The following ADAM32 variants were observed in gnomAD, a reference collection of about 807,000 sequenced individuals.
ADAM32 encodes the protein disintegrin and metalloproteinase domain-containing protein 32.
In ADAM32, 89 loss-of-function variants were observed where a neutral mutation model predicts 114.9. That is an observed-to-expected ratio of 0.77 (90% CI 0.65 to 0.92). The LOEUF (loss-of-function observed/expected upper bound fraction) is 0.92. Among genes scored for constraint, ADAM32 ranks in the 40% least tolerant of loss-of-function variants. ADAM32 has a pLI of 0.00. For synonymous variants in ADAM32, 285 were observed against 307.5 expected, an observed-to-expected ratio of 0.93 and a Z score of 0.77; for missense variants, 870 against 932.8, an observed-to-expected ratio of 0.93 and a Z score of 0.88.
At chr8:39,284,493 G>A (rs2129451927) in intron 24 of ADAM32, among the ~76,000 whole-genome samples, 2 of 151,826 alleles carry the variant, frequency 1.3e-5, no homozygotes, top group Non-Finnish European at 2.9e-5. Flanking sequence ...AACATGTAAA[G>A]ACATTAACTT....
At chr8:39,183,466 A>G (rs924951172) in intron 10 of ADAM32, among the ~76,000 whole-genome samples, 2 of 149,780 alleles carry the variant, frequency 1.3e-5, no homozygotes, top group Non-Finnish European at 2.9e-5. Context: ...TATTCCCAAT[A>G]TAGTATATTC....
At chr8:39,141,458 A>G (rs959486330) in intron 3 of ADAM32, among the ~76,000 whole-genome samples, 2 of 152,198 alleles carry the variant, frequency 1.3e-5, no homozygotes, top group African/African-American at 4.8e-5. Flanking sequence ...CCCAGTAGTC[A>G]TTCAGGAGCA....
At chr8:39,264,047 C>T (rs78711566) in intron 19 of ADAM32, among the ~76,000 whole-genome samples, 4,112 of 152,196 alleles carry the variant, frequency 0.027, 80 homozygotes, top group Non-Finnish European at 0.042. Flanking sequence ...TCTTATTTCC[C>T]TTTGTAATTC....
At chr8:39,229,778 A>T (rs1809617353) in intron 14 of ADAM32, among the ~76,000 whole-genome samples, 1 of 152,170 alleles carries the variant, frequency 6.6e-6, no homozygotes, top group South Asian at 2.1e-4. Context: ...CACTCACAGC[A>T]CCAGACAGTC....
At chr8:39,256,845 C>A (rs1564699435) in intron 18 of ADAM32, among the ~76,000 whole-genome samples, 2 of 151,942 alleles carry the variant, frequency 1.3e-5, no homozygotes, top group Non-Finnish European at 2.9e-5. Context: ...GATAATGCAC[C>A]TTGTAAGAGT....
Position 39,188,197 on chromosome 8 carries a change from A to G in ADAM32, c.1052+1152A>G, listed in dbSNP as rs531128015. On this transcript the variant is annotated intron_variant, in intron 11 of 24. Coordinates refer to ENST00000379907, the MANE Select transcript of ADAM32 (RefSeq NM_145004.7). ...CCCACAAAAATAGCTCAAACTCAAC[A>G]TATTTTATATGTGTATACACATGCA... Among the ~76,000 whole-genome samples the G allele has an allele frequency of 5.3e-4, 81 of 152,348 alleles. No homozygotes were observed. In the Middle Eastern group the frequency reaches 0.014, roughly 26 times the overall value.
intron 19 of ADAM32, among the ~76,000 whole-genome samples, chr8:39,266,475 A>G (rs929805916): frequency 6.6e-6 from 1 of 152,154 alleles, no homozygotes; most frequent in Non-Finnish European, 1.5e-5. Flanking sequence ...CAGTTGCTTT[A>G]TGAAATTCCT....
chr8:39,183,276 C>G (rs1055000016), intron 10 of ADAM32, among the ~76,000 whole-genome samples: 2 of 152,154 alleles, frequency 1.3e-5, no homozygotes, highest in South Asian at 2.1e-4. Context: ...CCAACTGACC[C>G]AGATGGCTTA....
chr8:39,272,516 A>G (rs1812798522), intron 20 of ADAM32, among the ~76,000 whole-genome samples: 1 of 152,182 alleles, frequency 6.6e-6, no homozygotes, highest in Non-Finnish European at 1.5e-5. Context: ...ATCTTATGGT[A>G]TGGAATACTG....
At chr8:39,185,483 A>T (rs1806176975) in intron 10 of ADAM32, among the ~76,000 whole-genome samples, 2 of 152,184 alleles carry the variant, frequency 1.3e-5, no homozygotes, top group Non-Finnish European at 2.9e-5. Context: ...GATCAAGGGT[A>T]GTTTCCCAAC....
chr8:39,241,113 G>A lies in ADAM32; in HGVS notation c.1819-4970G>A, dbSNP rs181721044. 2.0e-5 allele frequency among the ~76,000 whole-genome samples: 3 copies of A among 152,316 alleles called. No individual in the cohort carries two copies. In the East Asian group the frequency reaches 5.8e-4, roughly 29 times the overall value. ...TCCCATGCAAGTCCAAAATCCAGCA[G>A]GGCAGTGAAATCTTAAAGCTCCAAA... On this transcript the variant is annotated intron_variant, in intron 16 of 24. Transcript: ENST00000379907.
intron 6 of ADAM32, among the ~76,000 whole-genome samples, chr8:39,159,344 G>C (rs775168305): frequency 6.6e-6 from 1 of 152,202 alleles, no homozygotes; most frequent in Non-Finnish European, 1.5e-5. Context: ...TTGACTCTGG[G>C]TTTGGATATA....
chr8:39,201,447 G>A (rs370566694), intron 11 of ADAM32, among the ~76,000 whole-genome samples: 35,050 of 147,800 alleles, frequency 0.24, 4,686 homozygotes, highest in Non-Finnish European at 0.28. Context: ...TTGGTATATA[G>A]GAATGCTTGT....
At chr8:39,137,059 T>G (rs938931845) in intron 3 of ADAM32, among the ~76,000 whole-genome samples, 2 of 152,206 alleles carry the variant, frequency 1.3e-5, no homozygotes, top group African/African-American at 2.4e-5. Flanking sequence ...ATCAGAGAAG[T>G]GGGATGACCA....
intron 2 of ADAM32, among the ~76,000 whole-genome samples, chr8:39,120,982 A>G (rs1032355730): frequency 2.0e-5 from 3 of 152,268 alleles, no homozygotes; most frequent in African/African-American, 7.2e-5. Context: ...TTGTTTTGTC[A>G]TCACTGCTTA....
chr8:39,143,104 G>A (rs547405909), intron 3 of ADAM32, among the ~76,000 whole-genome samples: 2 of 152,176 alleles, frequency 1.3e-5, no homozygotes, highest in African/African-American at 2.4e-5. Flanking sequence ...TTAGCCATTT[G>A]TCTAACCTTT....
chr8:39,110,464 T>A (rs995073046), intron 1 of ADAM32, among the ~76,000 whole-genome samples: 3 of 152,232 alleles, frequency 2.0e-5, no homozygotes, highest in Non-Finnish European at 2.9e-5. Context: ...CTTGGTTGCT[T>A]CTAAGCTTTG....
At chr8:39,222,129 C>A (rs1218328810) in intron 13 of ADAM32, among the ~76,000 whole-genome samples, 1 of 152,030 alleles carries the variant, frequency 6.6e-6, no homozygotes, top group East Asian at 1.9e-4. Flanking sequence ...ACATTTTCCA[C>A]ATGGTACATG....
chr8:39,129,320 G>A (rs1802302103), intron 2 of ADAM32, among the ~76,000 whole-genome samples: 1 of 151,996 alleles, frequency 6.6e-6, no homozygotes, highest in African/African-American at 2.4e-5. Context: ...TTTTAACACT[G>A]AATTTCTTGT....
Sources: allele counts gnomAD v4.1 joint callset (sites outside exome capture counted in the v4.1 genomes callset), GRCh38; gene constraint gnomAD v4.1.1; transcripts MANE v1.5; gene names NCBI Gene and HGNC (gene_info 2026-07-23, HGNC 2026-07-21).